DIS3L2: variants seen among roughly 807,000 people sequenced by gnomAD.
The protein encoded by DIS3L2 is DIS3-like exonuclease 2.
A neutral mutation model predicts 97.5 loss-of-function variants in DIS3L2; 34 were observed. The observed-to-expected ratio is 0.35, with a 90% confidence interval of 0.27 to 0.46. DIS3L2 has a LOEUF of 0.46. Ranked by LOEUF, DIS3L2 falls within the 20% of genes least tolerant of loss-of-function variation. The pLI is 1.00. For synonymous variants in DIS3L2, 435 were observed against 445.2 expected, an observed-to-expected ratio of 0.98 and a Z score of 0.29; for missense variants, 1,038 against 1,146.0, an observed-to-expected ratio of 0.91 and a Z score of 1.36.
intron 12 of DIS3L2, among the ~76,000 whole-genome samples, chr2:232,262,564 A>G (rs1473101298): frequency 3.3e-5 from 5 of 152,168 alleles, no homozygotes; most frequent in Admixed American, 2.0e-4. Context: ...CCTGACATCC[A>G]GTGGATAGAG....
chr2:232,205,826 A>G (rs1692013535), intron 9 of DIS3L2, among the ~76,000 whole-genome samples: 1 of 152,214 alleles, frequency 6.6e-6, no homozygotes, highest in Non-Finnish European at 1.5e-5. Context: ...ATAGCATAAA[A>G]AGGGAAGCCA....
At chr2:232,201,233 G>C (rs1436597107) in intron 9 of DIS3L2, among the ~76,000 whole-genome samples, 1 of 152,210 alleles carries the variant, frequency 6.6e-6, no homozygotes, top group Non-Finnish European at 1.5e-5. Context: ...AACATTTTGT[G>C]CCTTCTGAAG....
At chr2:232,330,523 G>A (rs554762633) in intron 15 of DIS3L2, among the ~76,000 whole-genome samples, 167 bp from the exon 16 acceptor site, 1 of 152,200 alleles carries the variant, frequency 6.6e-6, no homozygotes, top group Non-Finnish European at 1.5e-5. Flanking sequence ...GCCACAGGGT[G>A]TGGGCGGCTG....
intron 5 of DIS3L2, among the ~76,000 whole-genome samples, chr2:232,046,172 C>T (rs2106258273): frequency 6.6e-6 from 1 of 152,226 alleles, no homozygotes; most frequent in East Asian, 1.9e-4. Context: ...GTCTCAGGTC[C>T]TTTGGGATAA....
rs554832054 is a variant in DIS3L2 at position 232,014,964 on chromosome 2, C to A, written c.37C>A (p.Leu13Met). ...HPDYRMNLRP[L>M]GTPRGVSAVA... The stretch of plus-strand genomic sequence containing the variant: ...TGACTACAGAATGAACCTCCGGCCC[C>A]TGGGGACCCCCAGAGGTAGTAAAAG... The change falls in exon 2 of 21, where the codon CTG becomes ATG. Residue 13 changes from leucine (L) to methionine (M), a missense_variant. By Grantham distance (15) the Leu-to-Met change is conservative. Transcript: ENST00000325385. 6.2e-7 allele frequency: 1 copy of A among 1,614,040 alleles called. No homozygotes were observed. The highest frequency in any genetic ancestry group is 1.3e-5 in the African/African-American group (1 of 75,036).
chr2:232,297,873 T>G (rs996762365), intron 13 of DIS3L2, among the ~76,000 whole-genome samples: 3 of 152,180 alleles, frequency 2.0e-5, no homozygotes, highest in African/African-American at 7.2e-5. Flanking sequence ...CAGCTAATTT[T>G]TTGTATTTTA....
chr2:231,979,016 T>G (rs1199771309), intron 1 of DIS3L2, among the ~76,000 whole-genome samples: 3 of 152,186 alleles, frequency 2.0e-5, no homozygotes, highest in African/African-American at 7.2e-5. Context: ...GTTAGAAATA[T>G]TTTCTCCTAG....
intron 5 of DIS3L2, among the ~76,000 whole-genome samples, chr2:232,054,082 C>T (rs879500114): frequency 4.6e-5 from 7 of 152,314 alleles, no homozygotes; most frequent in Admixed American, 3.9e-4. Context: ...CACCCCATCA[C>T]TAAGAAAATT....
chr2:232,124,568 C>A (rs1319908932), intron 6 of DIS3L2, among the ~76,000 whole-genome samples: 1 of 151,872 alleles, frequency 6.6e-6, no homozygotes, highest in Non-Finnish European at 1.5e-5. Context: ...ATAGAAAATG[C>A]AGAGGAGAAG....
At chr2:232,120,488 T>C (rs1047946725) in intron 6 of DIS3L2, among the ~76,000 whole-genome samples, 3 of 152,190 alleles carry the variant, frequency 2.0e-5, no homozygotes, top group African/African-American at 7.2e-5. Flanking sequence ...GTGGTATGCA[T>C]GTAAACCACC....
chr2:232,193,415 G>A (rs1691668258), intron 9 of DIS3L2, among the ~76,000 whole-genome samples: 1 of 152,182 alleles, frequency 6.6e-6, no homozygotes, highest in African/African-American at 2.4e-5. Context: ...TTCTCATGAG[G>A]TTGTGGCAGA....
chr2:232,273,489 T>C (rs989012817), intron 13 of DIS3L2, among the ~76,000 whole-genome samples: 2 of 152,184 alleles, frequency 1.3e-5, no homozygotes, highest in African/African-American at 2.4e-5. Context: ...TAGATACATA[T>C]TATGAGCCAG....
intron 13 of DIS3L2, among the ~76,000 whole-genome samples, chr2:232,279,907 T>C (rs1315510307): frequency 1.3e-5 from 2 of 152,222 alleles, no homozygotes; most frequent in East Asian, 3.8e-4. Flanking sequence ...TCCTAGTCTT[T>C]GGCTTGTCAT....
In DIS3L2 at chr2:231,987,834, TTTTC is replaced by T. The variant is rs1192309454; in HGVS notation, c.-94+26081_-94+26084del. Among the ~76,000 whole-genome samples, 8 of 152,254 alleles carry T rather than the reference TTTTC, an allele frequency of 5.3e-5. No individual in the cohort carries two copies. The East Asian group carries it at 7.7e-4, about 15-fold the overall frequency. ...TGGGAATGATTTTGGTCATTTTTCT[TTTTC>T]TTTCTTTCTTTTTTTTTTGAGACAG... On this transcript the variant is annotated intron_variant, in intron 1 of 20. Coordinates refer to ENST00000325385, the MANE Select transcript of DIS3L2 (RefSeq NM_152383.5).
chr2:232,226,990 AAAC>A (rs1295345111), intron 10 of DIS3L2, among the ~76,000 whole-genome samples: 2 of 151,842 alleles, frequency 1.3e-5, no homozygotes, highest in African/African-American at 4.9e-5. Flanking sequence ...AAATAAACAA[AAAC>A]AAAAACAAAA....
chr2:231,973,463 A>G (rs1692979916), intron 1 of DIS3L2, among the ~76,000 whole-genome samples: 1 of 152,226 alleles, frequency 6.6e-6, no homozygotes, highest in Non-Finnish European at 1.5e-5. Context: ...CAAACAAATA[A>G]TACATTTTCC....
intron 5 of DIS3L2, among the ~76,000 whole-genome samples, chr2:232,079,063 CACT>C (rs1696302808): frequency 6.6e-6 from 1 of 152,148 alleles, no homozygotes; most frequent in Non-Finnish European, 1.5e-5. Flanking sequence ...TAGCCATGGG[CACT>C]TCATGGAGTT....
intron 8 of DIS3L2, among the ~76,000 whole-genome samples, chr2:232,161,412 T>G (rs573997713): frequency 1.3e-5 from 2 of 152,346 alleles, no homozygotes; most frequent in Admixed American, 1.3e-4. Context: ...TTCTCACAAA[T>G]GTTGACATGT....
chr2:232,195,815 A>G (rs1001263039), intron 9 of DIS3L2, among the ~76,000 whole-genome samples: 1 of 152,142 alleles, frequency 6.6e-6, no homozygotes, highest in Non-Finnish European at 1.5e-5. Context: ...AGAGGTGGGG[A>G]ATCTTGTGGC....
Sources: allele counts gnomAD v4.1 joint callset (sites outside exome capture counted in the v4.1 genomes callset), GRCh38; gene constraint gnomAD v4.1.1; transcripts MANE v1.5; gene names NCBI Gene and HGNC (gene_info 2026-07-23, HGNC 2026-07-21).